DNTT: variants seen among roughly 807,000 people sequenced by gnomAD.
DNTT encodes the protein DNA nucleotidylexotransferase.
DNTT carries 47 observed loss-of-function variants against 60.9 expected under a neutral mutation model. The ratio of observed to expected loss-of-function variants is 0.77; its 90% CI spans 0.61 to 0.98. DNTT has a LOEUF of 0.98. Among genes scored for constraint, DNTT ranks in the 50% least tolerant of loss-of-function variants. The pLI, the probability that DNTT is intolerant of heterozygous loss-of-function variation, is 0.00. For synonymous variants in DNTT, 224 were observed against 221.2 expected (o/e 1.01, Z -0.11); for missense variants, 665 against 627.5 (o/e 1.06, Z -0.64).
chr10:96,324,190 A>T, intron 5 of DNTT, 76 bp from the exon 6 acceptor site: 2 of 1,513,776 alleles, frequency 1.3e-6, no homozygotes, highest in East Asian at 2.3e-5. Flanking sequence ...ATTGCCTGAG[A>T]CCTAGAAAGG....
chr10:96,322,919 T>C (rs1016274909), intron 5 of DNTT, among the ~76,000 whole-genome samples, 191 bp downstream of exon 5: 3 of 152,212 alleles, frequency 2.0e-5, no homozygotes, highest in African/African-American at 7.2e-5. Context: ...GTGAGGGTTC[T>C]CTTTCTGGCT....
At chr10:96,324,775 C>T (rs575995135) in intron 6 of DNTT, among the ~76,000 whole-genome samples, 12 of 152,296 alleles carry the variant, frequency 7.9e-5, no homozygotes, top group East Asian at 3.9e-4. Flanking sequence ...CTGACTCTTC[C>T]GGACATTGGG....
Position 96,324,273 on chromosome 10 carries a change from C to A in DNTT, c.758C>A (p.Thr253Asn). 6.2e-7 allele frequency: 1 copy of A among 1,613,062 alleles called. No individual in the cohort carries two copies. Among genetic ancestry groups the A allele is most frequent in the Non-Finnish European group, 8.5e-7 (1 of 1,179,364 alleles). ...CCTTTCCCTCCATTTTAGCTCTTTA[C>A]TTCTGTATTTGGAGTGGGGCTGAAG... is the stretch of plus-strand genomic sequence containing the variant. ...DERYQSFKLF[T>N]SVFGVGLKTS... Residue 253 changes from threonine (T) to asparagine (N), a missense_variant, in exon 6 of 11, where the codon ACT becomes AAT. By Grantham distance (65) the Thr-to-Asn change is moderately conservative. Coordinates refer to ENST00000371174, the MANE Select transcript of DNTT (RefSeq NM_004088.4).
At chr10:96,321,234 A>G (rs1167862717) in intron 4 of DNTT, among the ~76,000 whole-genome samples, 2 of 152,192 alleles carry the variant, frequency 1.3e-5, no homozygotes, top group Non-Finnish European at 2.9e-5. Flanking sequence ...GCAGGAAAGA[A>G]AGGAAAGTAC....
At chr10:96,320,170 T>G (rs1844849132) in intron 3 of DNTT, among the ~76,000 whole-genome samples, 1 of 152,232 alleles carries the variant, frequency 6.6e-6, no homozygotes, top group Admixed American at 6.5e-5. Context: ...TAAATAATCC[T>G]GGCTCTGGGT....
At chr10:96,321,200 G>A (rs1190913945) in intron 4 of DNTT, among the ~76,000 whole-genome samples, 3 of 152,096 alleles carry the variant, frequency 2.0e-5, no homozygotes, top group African/African-American at 7.2e-5. Flanking sequence ...GAGCAGGAGT[G>A]GAAGTTTATT....
Position 96,319,279 on chromosome 10 carries a change from A to G in DNTT, c.396A>G (p.Ser132=), listed in dbSNP as rs370448388. ...TTGTTTAGGTGAGAAGAGACTATTC[A>G]GATAGCACCAACCCAGGCCCCCCGA... The part of the protein sequence containing the change: ...KHQLVVRRDY[S]DSTNPGPPKT... The change falls in exon 3 of 11, where the codon TCA becomes TCG. Residue 132 remains serine, a synonymous_variant. Transcript: ENST00000371174. 81 of 1,613,708 alleles carry G rather than the reference A, an allele frequency of 5.0e-5. No homozygotes were observed. The highest frequency in any genetic ancestry group is 6.1e-5 in the Non-Finnish European group (72 of 1,179,782).
intron 8 of DNTT, 32 bp downstream of exon 8, chr10:96,328,862 G>A (rs765598826): frequency 4.1e-5 from 65 of 1,591,248 alleles, no homozygotes; most frequent in East Asian, 4.0e-4. Flanking sequence ...ACATGCACAC[G>A]CAAACATTAT....
intron 1 of DNTT, among the ~76,000 whole-genome samples, chr10:96,305,136 G>A (rs556166332): frequency 6.6e-6 from 1 of 152,270 alleles, no homozygotes; most frequent in East Asian, 1.9e-4. Context: ...GCGTGCTAAG[G>A]CAGCTAGCAT....
intron 7 of DNTT, among the ~76,000 whole-genome samples, 155 bp from the exon 8 acceptor site, chr10:96,328,570 C>G (rs917875420): frequency 4.3e-4 from 66 of 152,018 alleles, no homozygotes; most frequent in African/African-American, 1.5e-3. Flanking sequence ...TAAGGAACAG[C>G]GATGTGTAAC....
intron 5 of DNTT, 29 bp from the exon 6 acceptor site, chr10:96,324,237 C>T (rs1844913598): frequency 6.2e-7 from 1 of 1,605,314 alleles, no homozygotes. Context: ...ATCTTAGAGA[C>T]TGATGGCATG....
chr10:96,330,136 G>A (rs1844988947), intron 8 of DNTT, among the ~76,000 whole-genome samples: 1 of 152,206 alleles, frequency 6.6e-6, no homozygotes, highest in South Asian at 2.1e-4. Flanking sequence ...GGGGTTGTGT[G>A]CATGTTTGAC....
At chr10:96,325,127 A>G (rs1283574630) in intron 6 of DNTT, among the ~76,000 whole-genome samples, 5 of 152,206 alleles carry the variant, frequency 3.3e-5, no homozygotes, top group Admixed American at 3.3e-4. Context: ...ATGGCAATAC[A>G]GTGTGAAAAA....
At chr10:96,309,853 C>T (rs779803173) in intron 1 of DNTT, among the ~76,000 whole-genome samples, 4 of 152,178 alleles carry the variant, frequency 2.6e-5, no homozygotes, top group Admixed American at 6.5e-5. Context: ...GGAGCTGGCC[C>T]GTGAACCCTC....
At chr10:96,307,703 GTGTATATATA>G (rs1298404223) in intron 1 of DNTT, among the ~76,000 whole-genome samples, 1,886 of 35,292 alleles carry the variant, frequency 0.053, 52 homozygotes, top group African/African-American at 0.15. Flanking sequence ...GTGTGTGTGT[GTGTATATATA>G]TATATATATA....
At chr10:96,310,414 A>C (rs560045049) in intron 1 of DNTT, among the ~76,000 whole-genome samples, 27 of 152,350 alleles carry the variant, frequency 1.8e-4, no homozygotes, top group African/African-American at 6.3e-4. Flanking sequence ...TGCTCTAGAA[A>C]ATAAAAGTTG....
chr10:96,307,343 GTTTTTTTTTTTTTTTT>G (rs533516556), intron 1 of DNTT, among the ~76,000 whole-genome samples: 2 of 67,606 alleles, frequency 3.0e-5, no homozygotes, highest in Non-Finnish European at 5.2e-5. Flanking sequence ...GGGTTTTCCA[GTTTTTTTTTTTTTTTT>G]TTTTTTTTTT....
chr10:96,311,406 C>T (rs1412968076), intron 1 of DNTT, among the ~76,000 whole-genome samples: 1 of 152,130 alleles, frequency 6.6e-6, no homozygotes, highest in African/African-American at 2.4e-5. Context: ...AAATAGCTGC[C>T]ACTTTCCTCC....
chr10:96,316,120 T>C lies in DNTT; in HGVS notation c.204-2232T>C, dbSNP rs370198914. 4.6e-5 allele frequency among the ~76,000 whole-genome samples: 7 copies of C among 152,242 alleles called. No individual in the cohort carries two copies. In the South Asian group the frequency reaches 1.5e-3, roughly 32 times the overall value. On this transcript the variant is annotated intron_variant, in intron 1 of 10. Coordinates refer to ENST00000371174, the MANE Select transcript of DNTT (RefSeq NM_004088.4). ...CAAATGCGGCATGCCTGAAATAAAC[T>C]TCAGTTCCACCGCTCCACCCCTTCC... is the stretch of plus-strand genomic sequence containing the variant.
Sources: allele counts gnomAD v4.1 joint callset (sites outside exome capture counted in the v4.1 genomes callset), GRCh38; gene constraint gnomAD v4.1.1; transcripts MANE v1.5; gene names NCBI Gene and HGNC (gene_info 2026-07-23, HGNC 2026-07-21).